Variants in TAL1 observed in about 807,000 individuals in gnomAD.
TAL1 encodes TAL bHLH transcription factor 1, erythroid differentiation factor.
Under a neutral mutation model 17.9 loss-of-function variants are expected in TAL1, and 8 were observed. The ratio of observed to expected loss-of-function variants is 0.45; its 90% CI spans 0.26 to 0.81. The LOEUF (loss-of-function observed/expected upper bound fraction) is 0.81, where lower values mean the gene tolerates loss of function less well. Among genes scored for constraint, TAL1 ranks in the 30% least tolerant of loss-of-function variants. The probability of loss-of-function intolerance (pLI) is 0.17; values close to 1 mark genes in which losing one functional copy is unlikely to be tolerated. For synonymous variants in TAL1, 223 were observed against 218.6 expected (o/e 1.02, Z -0.18); for missense variants, 466 against 486.9 (o/e 0.96, Z 0.40).
At chr1:47,225,469 G>A (rs1037730712) in exon 2 of TAL1, 4 of 1,232,872 alleles carry the variant, frequency 3.2e-6, no homozygotes, top group Non-Finnish European at 4.0e-6. Flanking sequence ...GCGGCTGGCT[G>A]AGGCTGTAGA....
In TAL1 at chr1:47,225,155, C is replaced by T. The variant is rs531184134; in HGVS notation, c.446+288G>A. ...ACCACCAAGCACACCAGCCACATGCCTGCACCCGCGAAGGTGTCCACGTCC... is the reference window on the plus strand; with the variant it reads ...ACCACCAAGCACACCAGCCACATGCTTGCACCCGCGAAGGTGTCCACGTCC... On this transcript the variant is annotated intron_variant, in intron 2 of 3. Coordinates refer to ENST00000294339, the Ensembl canonical transcript of TAL1. 9.2e-5 allele frequency among the ~76,000 whole-genome samples: 14 copies of T among 152,316 alleles called. No homozygotes were observed. The East Asian group carries it at 2.5e-3, about 27-fold the overall frequency.
upstream of TAL1, among the ~76,000 whole-genome samples, chr1:47,232,013 C>T (rs1644023264): frequency 6.6e-6 from 1 of 151,738 alleles, no homozygotes; most frequent in African/African-American, 2.4e-5. Flanking sequence ...TGGAAAATGC[C>T]CCCCCACCGC....
intron 1 of TAL1, chr1:47,228,320 G>A (rs1238564766): frequency 1.1e-5 from 2 of 178,562 alleles, no homozygotes; most frequent in African/African-American, 4.7e-5. Context: ...TGCATCACTT[G>A]ATTTGGATTA....
At chr1:47,220,097 A>G (rs1645589497) in exon 4 of TAL1, 1 of 1,612,606 alleles carries the variant, frequency 6.2e-7, no homozygotes, top group African/African-American at 1.3e-5. Flanking sequence ...AGCTCGGCAA[A>G]GGCCCCGTTC....
chr1:47,232,161 G>C (rs1271827210), upstream of TAL1: 2 of 212,896 alleles, frequency 9.4e-6, no homozygotes, highest in African/African-American at 2.3e-5. Context: ...AGGCCAGAAT[G>C]CTCACGTTTT....
upstream of TAL1, among the ~76,000 whole-genome samples, chr1:47,232,011 G>A (rs1466242159): frequency 6.6e-6 from 1 of 151,360 alleles, no homozygotes; most frequent in African/African-American, 2.4e-5. Flanking sequence ...CGTGGAAAAT[G>A]CCCCCCCACC....
chr1:47,222,747 G>A (rs1643842925), intron 3 of TAL1, among the ~76,000 whole-genome samples: 1 of 151,888 alleles, frequency 6.6e-6, no homozygotes, highest in Non-Finnish European at 1.5e-5. Context: ...GCCTCTCTCT[G>A]GCCAGCACTG....
Position 47,219,743 on chromosome 1 carries a change from C to T in TAL1, c.973G>A (p.Ala325Thr), listed in dbSNP as rs569550074. 18 of 1,610,412 alleles carry T rather than the reference C, an allele frequency of 1.1e-5. No individual in the cohort carries two copies. The East Asian group carries it at 1.6e-4, about 14-fold the overall frequency. The change falls in exon 4 of 4, where the codon GCC becomes ACC. Residue 325 changes from alanine to threonine, a missense_variant. Physicochemically the swap from Ala to Thr is moderately conservative, Grantham distance 58. Coordinates refer to ENST00000294339, the Ensembl canonical transcript of TAL1. ...CATCACCGAGGGCCGGCTCCATCGG[C>T]GGCAGGCAGCATGGCAGGATGGAGG...
chr1:47,225,533 A>G, exon 2 of TAL1: 1 of 1,269,866 alleles, frequency 7.9e-7, no homozygotes, highest in Non-Finnish European at 9.9e-7. Context: ...ACTCAGCTGC[A>G]CCATGCGGCC....
rs1400492251 is a variant in TAL1, at chr1:47,227,042, G to C, written c.-1-1153C>G. On this transcript the variant is annotated intron_variant, in intron 1 of 3. Transcript: ENST00000294339. ...AGTCACTCACAGCCTATCTGTGAGAGAGCCAGACCAGAGCAATAATCTCAC... is the reference window on the plus strand; with the variant it reads ...AGTCACTCACAGCCTATCTGTGAGACAGCCAGACCAGAGCAATAATCTCAC... 3.3e-5 allele frequency: 5 copies of C among 152,228 alleles called. No homozygotes were observed. In the South Asian group the frequency reaches 6.2e-4, roughly 19 times the overall value. The allele number at this position is 152,228 out of a possible 1,614,324, so 9.4% of individuals were successfully genotyped here.
intron 3 of TAL1, chr1:47,223,699 A>C (rs1643867843): frequency 3.7e-6 from 1 of 271,702 alleles, no homozygotes. Context: ...TGGAGCCCGG[A>C]CTGGGGACTG....
chr1:47,219,898 C>T (rs750868808), exon 4 of TAL1: 1 of 1,398,256 alleles, frequency 7.2e-7, no homozygotes, highest in Non-Finnish European at 9.9e-7. Flanking sequence ...GGGCGCGCCG[C>T]CCCCTCCCCC....
intron 2 of TAL1, among the ~76,000 whole-genome samples, chr1:47,224,698 CCCCATAGCTCTGTCTCGGGTG>C (rs1643881582): frequency 6.6e-6 from 1 of 152,210 alleles, no homozygotes. Flanking sequence ...ACCCTAAGCT[CCCCATAGCTCTGTCTCGGGTG>C]CCCGCCAGGT....
rs1351468324 is a variant in TAL1 at position 47,219,916 on chromosome 1, C to T, written c.800G>A (p.Gly267Asp). ...CGCGCCGCCCCCTCCCCCACCTCCA[C>T]CCCCACCAGCCCCCACCACAGGGTC... The change falls in exon 4 of 4, where the codon GGT (glycine) becomes GAT (aspartate). Residue 267 changes from glycine (G) to aspartate (D), a missense_variant. Coordinates refer to ENST00000294339, the Ensembl canonical transcript of TAL1. 1.3e-6 allele frequency: 2 copies of T among 1,493,234 alleles called. No homozygotes were observed. The highest frequency in any genetic ancestry group is 2.3e-5 in the Admixed American group (1 of 44,310). The allele number at this position is 1,493,234 out of a possible 1,614,324, so 92.5% of individuals were successfully genotyped here. A position where few individuals can be genotyped will look rare whatever the true frequency, so the allele number is the denominator to read the frequency against.
At chr1:47,223,978 A>G (rs772124570) in intron 3 of TAL1, 26 bp downstream of exon 4, 10 of 1,606,294 alleles carry the variant, frequency 6.2e-6, no homozygotes, top group South Asian at 5.5e-5. Flanking sequence ...AGGGGCAGGT[A>G]CAACGGTGGG....
At position 47,225,906 on chromosome 1, in the gene TAL1, A is replaced by G; in HGVS notation, c.-1-17T>C. On this transcript the variant is annotated splice_polypyrimidine_tract_variant and intron_variant, in intron 1 of 3. Coordinates refer to ENST00000294339, the Ensembl canonical transcript of TAL1. ...TCGGTCATCCTGTGGGCAGACAGAC[A>G]GACAAGCGGATGCCCGCTCTGACGA... is the stretch of plus-strand genomic sequence containing the variant. 6.4e-7 allele frequency: 1 copy of G among 1,572,066 alleles called. No homozygotes were observed. The highest frequency in any genetic ancestry group is 8.6e-7 in the Non-Finnish European group (1 of 1,167,832).
At chr1:47,221,505 A>C (rs72684358) in intron 3 of TAL1, among the ~76,000 whole-genome samples, 2,021 of 152,336 alleles carry the variant, frequency 0.013, 22 homozygotes, top group Admixed American at 0.044. Flanking sequence ...AGGGGAAGAC[A>C]GTGAAGGGTC....
exon 4 of TAL1, chr1:47,219,792 G>T (rs747792912): frequency 3.7e-6 from 6 of 1,611,840 alleles, no homozygotes; most frequent in Middle Eastern, 1.6e-4. Flanking sequence ...GCTTGGGCGC[G>T]GGCTCCTCCG....
At chr1:47,222,246 T>C (rs1429268889) in intron 3 of TAL1, among the ~76,000 whole-genome samples, 1 of 152,020 alleles carries the variant, frequency 6.6e-6, no homozygotes, top group East Asian at 1.9e-4. Flanking sequence ...GAAGGGGAGA[T>C]GGTGGGGAAG....
Sources: allele counts gnomAD v4.1 joint callset (sites outside exome capture counted in the v4.1 genomes callset), GRCh38; gene constraint gnomAD v4.1.1; transcripts MANE v1.5; gene names NCBI Gene and HGNC (gene_info 2026-07-23, HGNC 2026-07-21).